ABTB3: variants seen among roughly 807,000 people sequenced by gnomAD.
The protein encoded by ABTB3 is ankyrin repeat- and BTB/POZ domain-containing protein 3.
chr12:107,456,451 C>A, the ABTB3 span, among the ~76,000 whole-genome samples: 3 of 152,318 alleles, frequency 2.0e-5, no homozygotes. Context: ...TGTGACAGAC[C>A]TAAGTCGTGC....
chr12:107,363,288 G>T, the ABTB3 span, among the ~76,000 whole-genome samples: 1 of 152,198 alleles, frequency 6.6e-6, no homozygotes, highest in Non-Finnish European at 1.5e-5. Flanking sequence ...CAACAGAGAG[G>T]ACTTGACAAG....
the ABTB3 span, among the ~76,000 whole-genome samples, chr12:107,521,865 C>A: frequency 6.6e-6 from 1 of 152,020 alleles, no homozygotes; most frequent in Non-Finnish European, 1.5e-5. Context: ...GTTACCTTCT[C>A]AATGAAGCTT....
chr12:107,596,112 A>C, the ABTB3 span, among the ~76,000 whole-genome samples: 1 of 152,240 alleles, frequency 6.6e-6, no homozygotes, highest in African/African-American at 2.4e-5. Flanking sequence ...TTGACATTTA[A>C]CAGGTGACAA....
chr12:107,339,731 A>C, the ABTB3 span, among the ~76,000 whole-genome samples: 37 of 151,976 alleles, frequency 2.4e-4, no homozygotes, highest in African/African-American at 7.7e-4. Flanking sequence ...TGCCTATATC[A>C]ACTCAGCAGA....
At chr12:107,444,160 G>T in the ABTB3 span, among the ~76,000 whole-genome samples, 3 of 152,264 alleles carry the variant, frequency 2.0e-5, no homozygotes, top group Non-Finnish European at 2.9e-5. Flanking sequence ...TCAGGGTCCT[G>T]CAGAGAGAAG....
the ABTB3 span, among the ~76,000 whole-genome samples, chr12:107,327,261 G>A: frequency 6.6e-6 from 1 of 152,068 alleles, no homozygotes; most frequent in Non-Finnish European, 1.5e-5. Context: ...TCTGAAGCCC[G>A]GATTATTACT....
the ABTB3 span, among the ~76,000 whole-genome samples, chr12:107,382,226 A>T: frequency 9.9e-5 from 15 of 152,264 alleles, no homozygotes; most frequent in African/African-American, 3.4e-4. Context: ...ATGAGTTTGG[A>T]TGCTTTCGAA....
chr12:107,414,026 A>G, the ABTB3 span, among the ~76,000 whole-genome samples: 16,043 of 152,236 alleles, frequency 0.11, 1,863 homozygotes, highest in East Asian at 0.42. Context: ...ATAGCTAGGA[A>G]AGGAAGGTCA....
chr12:107,596,894 AG>A, the ABTB3 span, among the ~76,000 whole-genome samples: 1 of 152,192 alleles, frequency 6.6e-6, no homozygotes, highest in Non-Finnish European at 1.5e-5. Context: ...TTTAAATAAA[AG>A]CAGAAAACAG....
the ABTB3 span, among the ~76,000 whole-genome samples, chr12:107,502,347 G>T: frequency 6.6e-6 from 1 of 151,872 alleles, no homozygotes; most frequent in Admixed American, 6.6e-5. Context: ...TAAGATTAAA[G>T]GTGTGAGCCA....
the ABTB3 span, among the ~76,000 whole-genome samples, chr12:107,387,181 T>C: frequency 1.3e-5 from 2 of 152,110 alleles, no homozygotes; most frequent in African/African-American, 2.4e-5. Context: ...TTTCACCATG[T>C]TGCCCAGGCT....
the ABTB3 span, among the ~76,000 whole-genome samples, chr12:107,648,338 G>A: frequency 2.0e-5 from 3 of 150,726 alleles, no homozygotes; most frequent in African/African-American, 4.9e-5. Flanking sequence ...CCAAGATCGC[G>A]CCACTGCACT....
At chr12:107,566,911 G>A in the ABTB3 span, among the ~76,000 whole-genome samples, 1 of 151,948 alleles carries the variant, frequency 6.6e-6, no homozygotes, top group African/African-American at 2.4e-5. Flanking sequence ...CCAGGAGTTC[G>A]AGACCAGCCT....
the ABTB3 span, among the ~76,000 whole-genome samples, chr12:107,529,956 A>C: frequency 2.0e-5 from 3 of 152,236 alleles, no homozygotes; most frequent in Non-Finnish European, 2.9e-5. Flanking sequence ...CTTTATAAGC[A>C]GGCTTTGCAG....
chr12:107,590,279 G>GT, the ABTB3 span, among the ~76,000 whole-genome samples: 1 of 152,208 alleles, frequency 6.6e-6, no homozygotes. Flanking sequence ...TGACAACTCA[G>GT]GTGTAGAACT....
the ABTB3 span, among the ~76,000 whole-genome samples, chr12:107,656,823 A>C: frequency 1.3e-5 from 2 of 152,210 alleles, no homozygotes; most frequent in Non-Finnish European, 2.9e-5. Flanking sequence ...TGTACCAGGA[A>C]GCTTTGTACT....
the ABTB3 span, among the ~76,000 whole-genome samples, chr12:107,512,542 A>G: frequency 1.3e-5 from 2 of 152,198 alleles, no homozygotes; most frequent in African/African-American, 4.8e-5. Flanking sequence ...ACATATGGTT[A>G]TACTGCGAGT....
At chr12:107,615,732 T>C in the ABTB3 span, among the ~76,000 whole-genome samples, 4 of 152,328 alleles carry the variant, frequency 2.6e-5, no homozygotes, top group East Asian at 7.7e-4. Context: ...TGGAGGTCCT[T>C]TGGGCATATA....
At chr12:107,637,364 C>G in the ABTB3 span, among the ~76,000 whole-genome samples, 1 of 151,982 alleles carries the variant, frequency 6.6e-6, no homozygotes, top group Non-Finnish European at 1.5e-5. Flanking sequence ...TGCACTCCAG[C>G]CTGGGCAACA....
Sources: gnomAD v4.1 joint callset for allele counts (sites outside exome capture counted in the v4.1 genomes callset) on GRCh38, gnomAD v4.1.1 for gene constraint, MANE v1.5 for transcripts, NCBI Gene and HGNC (gene_info 2026-07-23, HGNC 2026-07-21) for gene names.